AGBL2: variants seen among roughly 807,000 people sequenced by gnomAD.
AGBL2 encodes AGBL carboxypeptidase 2.
A neutral mutation model predicts 103.0 loss-of-function variants in AGBL2; 87 were observed. That is an observed-to-expected ratio of 0.84 (90% CI 0.71 to 1.01). The LOEUF (loss-of-function observed/expected upper bound fraction) is 1.01, where lower values mean the gene tolerates loss of function less well. AGBL2 is among the 50% of genes least tolerant of loss of function. AGBL2 has a pLI of 0.00. For missense variants in AGBL2, 904 were observed against 1,023.5 expected (o/e 0.88, Z 1.59); for synonymous variants, 335 against 356.7 (o/e 0.94, Z 0.69).
At chr11:47,667,101 C>T in intron 16 of AGBL2, 38 bp from the exon 17 acceptor site, 1 of 1,412,466 alleles carries the variant, frequency 7.1e-7, no homozygotes, top group East Asian at 2.3e-5. Context: ...TTCAATTGAT[C>T]TATTCAAAAT....
intron 14 of AGBL2, among the ~76,000 whole-genome samples, chr11:47,672,175 T>A (rs939507159): frequency 2.6e-4 from 39 of 152,152 alleles, no homozygotes; most frequent in African/African-American, 8.9e-4. Context: ...GGTCTCCAAC[T>A]CCTGGCCTCA....
In AGBL2 at chr11:47,682,037, A is replaced by T. The variant is rs1189207354; in HGVS notation, c.1847T>A (p.Val616Asp). The T allele has an allele frequency of 6.2e-7, 1 of 1,614,102 alleles. No individual in the cohort carries two copies. The highest frequency in any genetic ancestry group is 1.7e-5 in the Admixed American group (1 of 60,002). Residue 616 changes from valine to aspartate, a missense_variant, in exon 12 of 19, where the codon GTT becomes GAT. Coordinates refer to ENST00000525123, the MANE Select transcript of AGBL2 (RefSeq NM_024783.4). ...TAGGATTCCCATCCGCCACATAACA[A>T]CTCGTCCTGTTCCTTCTTTGCATTT... Reference protein sequence around the residue: ...VQKCKEGTGRVVMWRMGILNS... With the variant: ...VQKCKEGTGRDVMWRMGILNS...
In AGBL2 at chr11:47,681,967, A is replaced by G. The variant is rs146693632; in HGVS notation, c.1915+2T>C. Reference sequence around the variant, plus strand: ...GCCTATGATATACAAAAGAGAATGTACCCAGGGTGGACCCGCCAAAGGTAG... The same window carrying G: ...GCCTATGATATACAAAAGAGAATGTGCCCAGGGTGGACCCGCCAAAGGTAG... On this transcript the variant is annotated splice_donor_variant, in intron 12 of 18. Coordinates refer to ENST00000525123, the MANE Select transcript of AGBL2 (RefSeq NM_024783.4). LOFTEE classifies it high-confidence loss of function. 2 of 1,613,478 alleles carry G rather than the reference A, an allele frequency of 1.2e-6. No homozygotes were observed. The highest frequency in any genetic ancestry group is 2.7e-5 in the African/African-American group (2 of 74,874).
chr11:47,678,325 A>ATTTTTTTT (rs1228331674), intron 13 of AGBL2, among the ~76,000 whole-genome samples: 2 of 116,048 alleles, frequency 1.7e-5, no homozygotes, highest in African/African-American at 5.5e-5. Flanking sequence ...ATTTTATTTT[A>ATTTTTTTT]TTTTATTTTA....
chr11:47,710,304 G>C, intron 4 of AGBL2, 73 bp downstream of exon 4: 1 of 1,590,060 alleles, frequency 6.3e-7, no homozygotes, highest in East Asian at 2.2e-5. Context: ...TGTTAGAGCA[G>C]ATTCTTCTGA....
chr11:47,667,845 G>A, intron 15 of AGBL2, 149 bp from the exon 16 acceptor site: 1 of 865,470 alleles, frequency 1.2e-6, no homozygotes, highest in Non-Finnish European at 1.8e-6. Context: ...AAACAGTTCA[G>A]TTCCCTCCTT....
At chr11:47,678,051 C>A (rs1038353384) in intron 13 of AGBL2, among the ~76,000 whole-genome samples, 4 of 151,476 alleles carry the variant, frequency 2.6e-5, no homozygotes, top group Non-Finnish European at 5.9e-5. Context: ...GCAACCTCCG[C>A]CCCCTGGGTT....
chr11:47,667,345 A>G (rs183122364), intron 16 of AGBL2, among the ~76,000 whole-genome samples: 41 of 152,274 alleles, frequency 2.7e-4, no homozygotes, highest in African/African-American at 9.1e-4. Context: ...TAAAACCCAG[A>G]TTTCTTATGC....
intron 7 of AGBL2, 82 bp downstream of exon 7, chr11:47,704,460 GA>G: frequency 8.0e-7 from 1 of 1,251,316 alleles, no homozygotes; most frequent in Non-Finnish European, 1.1e-6. Flanking sequence ...TCCAGCCTGG[GA>G]AATAGAGTGA....
At chr11:47,660,967 C>T (rs2097326439) in intron 18 of AGBL2, among the ~76,000 whole-genome samples, 1 of 152,082 alleles carries the variant, frequency 6.6e-6, no homozygotes, top group South Asian at 2.1e-4. Flanking sequence ...GGCAGATTGC[C>T]TCATTTTTTT....
At chr11:47,707,967 T>C (rs2097526147) in intron 4 of AGBL2, among the ~76,000 whole-genome samples, 1 of 152,126 alleles carries the variant, frequency 6.6e-6, no homozygotes, top group Non-Finnish European at 1.5e-5. Context: ...TTGCCCAGGC[T>C]GGACTCAAAA....
chr11:47,696,036 A>AAAAAAAAAAC (rs1565068979), intron 8 of AGBL2, among the ~76,000 whole-genome samples: 1 of 9,956 alleles, frequency 1.0e-4, no homozygotes, highest in Non-Finnish European at 2.5e-4. Context: ...AAAAAAAAAA[A>AAAAAAAAAAC]GAAAAAAAAA....
intron 8 of AGBL2, among the ~76,000 whole-genome samples, chr11:47,694,034 T>C (rs1318030381): frequency 6.6e-6 from 1 of 151,984 alleles, no homozygotes; most frequent in Non-Finnish European, 1.5e-5. Flanking sequence ...ATATACTCTG[T>C]ACAAAAAATA....
chr11:47,671,475 C>G (rs2097357274), intron 14 of AGBL2, among the ~76,000 whole-genome samples: 1 of 152,068 alleles, frequency 6.6e-6, no homozygotes, highest in Non-Finnish European at 1.5e-5. Flanking sequence ...ATGCAGTGAG[C>G]CGAGATCGCA....
intron 4 of AGBL2, among the ~76,000 whole-genome samples, chr11:47,707,944 G>A (rs998644236): frequency 3.9e-5 from 6 of 151,958 alleles, no homozygotes; most frequent in Non-Finnish European, 7.4e-5. Context: ...TTTAGAGAAA[G>A]GGTCTCTCTA....
At chr11:47,677,495 C>A (rs932187008) in intron 13 of AGBL2, 94 bp from the exon 14 acceptor site, 5 of 850,698 alleles carry the variant, frequency 5.9e-6, no homozygotes, top group Non-Finnish European at 7.5e-6. Context: ...CTCTTGTTGC[C>A]CAGGCTGGAG....
Position 47,705,616 on chromosome 11 carries a change from C to T in AGBL2, c.305G>A (p.Gly102Asp), listed in dbSNP as rs1435929579. ...AINRDFHSCL[G>D]WMQWRGLSSL... is the part of the protein sequence containing the mutation. ...GCTGAGGCCGCGCCACTGCATCCAGCCCAGGCAAGAGTGAAAGTCTGTGTC... is the reference window on the plus strand; with the variant it reads ...GCTGAGGCCGCGCCACTGCATCCAGTCCAGGCAAGAGTGAAAGTCTGTGTC... The change falls in exon 6 of 19, where the codon GGC becomes GAC. Residue 102 changes from glycine to aspartate, a missense_variant. Gly to Asp is a moderately conservative substitution (Grantham distance 94). Transcript: ENST00000525123. 7.6e-6 allele frequency: 4 copies of T among 528,536 alleles called. No homozygotes were observed. The highest frequency in any genetic ancestry group is 4.3e-5 in the South Asian group (2 of 46,870). 32.7% of individuals were successfully genotyped at this position (528,536 alleles called of 1,614,324 possible).
At chr11:47,685,071 A>C (rs1391498317) in intron 11 of AGBL2, among the ~76,000 whole-genome samples, 2 of 152,072 alleles carry the variant, frequency 1.3e-5, no homozygotes, top group Admixed American at 6.6e-5. Flanking sequence ...TTAGCCAGGC[A>C]TGGTTGTGCA....
chr11:47,667,472 C>T (rs1458834356), intron 16 of AGBL2, 99 bp downstream of exon 16: 26 of 1,396,056 alleles, frequency 1.9e-5, no homozygotes, highest in Non-Finnish European at 2.3e-5. Context: ...CAATCTCCAT[C>T]CCCTTTTTGG....
Sources: gnomAD v4.1 joint callset for allele counts (sites outside exome capture counted in the v4.1 genomes callset) on GRCh38, gnomAD v4.1.1 for gene constraint, MANE v1.5 for transcripts, NCBI Gene and HGNC (gene_info 2026-07-23, HGNC 2026-07-21) for gene names.